The following ITGA1 variants were observed in gnomAD, a reference collection of about 807,000 sequenced individuals.
ITGA1 encodes integrin alpha-1.
Under a neutral mutation model 145.9 loss-of-function variants are expected in ITGA1, and 85 were observed. The ratio of observed to expected loss-of-function variants is 0.58; its 90% CI spans 0.49 to 0.70. ITGA1 has a LOEUF of 0.70. Among genes scored for constraint, ITGA1 ranks in the 30% least tolerant of loss-of-function variants. The pLI is 0.00. For synonymous variants in ITGA1, 520 were observed against 495.3 expected (o/e 1.05, Z -0.66); for missense variants, 1,351 against 1,418.7 (o/e 0.95, Z 0.77).
intron 6 of ITGA1, among the ~76,000 whole-genome samples, chr5:52,870,450 G>GA (rs11380499): frequency 0.88 from 134,185 of 152,170 alleles, 59,302 homozygotes; most frequent in African/African-American, 0.94. Flanking sequence ...GAATGTAGTT[G>GA]TAAGATTTGT....
At chr5:52,806,776 ATAT>A (rs1748595033) in intron 1 of ITGA1, among the ~76,000 whole-genome samples, 1 of 152,198 alleles carries the variant, frequency 6.6e-6, no homozygotes, top group South Asian at 2.1e-4. Flanking sequence ...ATAAATTGGA[ATAT>A]TATGAATGTT....
intron 28 of ITGA1, among the ~76,000 whole-genome samples, chr5:52,947,841 A>T (rs112007096): frequency 2.0e-5 from 3 of 152,272 alleles, no homozygotes; most frequent in South Asian, 2.1e-4. Context: ...ATGAATTCCT[A>T]TGTCAATTTA....
At chr5:52,882,981 G>A (rs1031557926) in intron 7 of ITGA1, 1 of 152,124 alleles carries the variant, frequency 6.6e-6, no homozygotes, top group Non-Finnish European at 1.5e-5. Context: ...GAATGGATTG[G>A]ATATTCAAAA....
chr5:52,861,243 G>A (rs985024512), intron 2 of ITGA1, among the ~76,000 whole-genome samples: 43 of 152,206 alleles, frequency 2.8e-4, no homozygotes, highest in African/African-American at 9.9e-4. Flanking sequence ...ATGTATGTGT[G>A]TGTGTGTATA....
At chr5:52,945,767 A>G (rs1272402744) in intron 27 of ITGA1, among the ~76,000 whole-genome samples, 1 of 152,216 alleles carries the variant, frequency 6.6e-6, no homozygotes, top group African/African-American at 2.4e-5. Flanking sequence ...GAAGCTCCCT[A>G]ACTTTCAGAT....
At chr5:52,897,604 A>G (rs1579705092) in intron 10 of ITGA1, 76 bp downstream of exon 10, 1 of 1,026,014 alleles carries the variant, frequency 9.7e-7, no homozygotes, top group South Asian at 1.3e-5. Flanking sequence ...TCTAGCCATC[A>G]GTATGTAAGT....
rs1751274597 is a variant in ITGA1, at chr5:52,954,517, A to G, written c.*2066A>G. The stretch of plus-strand genomic sequence containing the variant: ...TGTTGGCCAGATCAAAGAGATACTT[A>G]TAAGCCCGGCACAATTTTTAACATA... On this transcript the variant is annotated 3_prime_UTR_variant, in exon 29 of 29. Coordinates refer to ENST00000282588, the MANE Select transcript of ITGA1 (RefSeq NM_181501.2). The G allele has an allele frequency of 6.6e-6, 1 of 152,228 alleles. No individual in the cohort carries two copies. The highest frequency in any genetic ancestry group is 6.5e-5 in the Admixed American group (1 of 15,278). 9.4% of individuals were successfully genotyped at this position (152,228 alleles called of 1,614,324 possible).
At chr5:52,861,330 A>G (rs1410602540) in intron 2 of ITGA1, 117 bp from the exon 3 acceptor site, 1 of 656,608 alleles carries the variant, frequency 1.5e-6, no homozygotes, top group Middle Eastern at 3.4e-4. Flanking sequence ...TACTAATAGC[A>G]TGATTATTAT....
intron 20 of ITGA1, 22 bp downstream of exon 20, chr5:52,927,686 C>A (rs10038773): frequency 0.21 from 303,543 of 1,438,416 alleles, 35,411 homozygotes; most frequent in African/African-American, 0.36. Context: ...ATACAAAATA[C>A]ATGTAGAAAT....
chr5:52,831,526 G>C (rs569537310), intron 1 of ITGA1, among the ~76,000 whole-genome samples: 12 of 101,708 alleles, frequency 1.2e-4, no homozygotes, highest in Admixed American at 9.0e-4. Context: ...TGATTAAATA[G>C]GAAAGAGAAA....
chr5:52,828,225 C>G (rs1245952054), intron 1 of ITGA1, among the ~76,000 whole-genome samples: 3 of 152,140 alleles, frequency 2.0e-5, no homozygotes, highest in Non-Finnish European at 4.4e-5. Context: ...GAAGAACTGC[C>G]AAACTGTTTT....
intron 1 of ITGA1, chr5:52,800,517 C>T (rs1748448430): frequency 3.1e-6 from 5 of 1,614,122 alleles, no homozygotes; most frequent in Admixed American, 3.3e-5. Flanking sequence ...GCCTGCGCGC[C>T]TCCACCATCC....
chr5:52,937,489 A>G lies in ITGA1; in HGVS notation c.3053A>G (p.Tyr1018Cys). 6.2e-7 allele frequency: 1 copy of G among 1,609,936 alleles called. No individual in the cohort carries two copies. The highest frequency in any genetic ancestry group is 8.5e-7 in the Non-Finnish European group (1 of 1,176,218). Residue 1018 changes from tyrosine (Y) to cysteine (C), a missense_variant, in exon 24 of 29, where the codon TAC (tyrosine) becomes TGC (cysteine). Physicochemically the swap from Tyr to Cys is radical, Grantham distance 194. Coordinates refer to ENST00000282588, the MANE Select transcript of ITGA1 (RefSeq NM_181501.2). ...ACATCAAATGGTTACCCTGTGCTGT[A>G]CCCAACTGGATTGTCATCTTCTGAG... ...NMTSNGYPVL[Y>C]PTGLSSSENA...
intron 7 of ITGA1, among the ~76,000 whole-genome samples, 194 bp downstream of exon 7, chr5:52,882,215 C>T (rs922530823): frequency 6.6e-6 from 1 of 152,120 alleles, no homozygotes; most frequent in Non-Finnish European, 1.5e-5. Flanking sequence ...TCCTTCTTAT[C>T]CTTCTCTTGT....
At chr5:52,844,593 G>A (rs1449884049) in intron 1 of ITGA1, among the ~76,000 whole-genome samples, 4 of 152,044 alleles carry the variant, frequency 2.6e-5, no homozygotes, top group Non-Finnish European at 5.9e-5. Context: ...AGAGTTGCTG[G>A]CAAATTAAAT....
intron 26 of ITGA1, among the ~76,000 whole-genome samples, chr5:52,942,325 A>G (rs1462943693): frequency 6.6e-6 from 1 of 152,204 alleles, no homozygotes; most frequent in African/African-American, 2.4e-5. Flanking sequence ...TGATGTTGGT[A>G]CTTTAAGAGC....
intron 6 of ITGA1, among the ~76,000 whole-genome samples, chr5:52,869,147 A>G (rs1345928767): frequency 1.3e-5 from 2 of 152,100 alleles, no homozygotes; most frequent in Non-Finnish European, 2.9e-5. Context: ...TAAGCAACCC[A>G]TATGATTCTT....
chr5:52,823,101 C>T (rs954211618), intron 1 of ITGA1, among the ~76,000 whole-genome samples: 12 of 152,096 alleles, frequency 7.9e-5, no homozygotes, highest in Non-Finnish European at 1.3e-4. Flanking sequence ...AATGGTGCCC[C>T]GACTTTCCTG....
intron 2 of ITGA1, among the ~76,000 whole-genome samples, chr5:52,856,357 T>A (rs547775814): frequency 3.6e-4 from 55 of 152,318 alleles, no homozygotes; most frequent in African/African-American, 1.3e-3. Context: ...ATCCTAGATT[T>A]TCCCCCACTT....
Sources: gnomAD v4.1 joint callset for allele counts (sites outside exome capture counted in the v4.1 genomes callset) on GRCh38, gnomAD v4.1.1 for gene constraint, MANE v1.5 for transcripts, NCBI Gene and HGNC (gene_info 2026-07-23, HGNC 2026-07-21) for gene names.